SRRM4: variants seen among roughly 807,000 people sequenced by gnomAD.
SRRM4 encodes the protein serine/arginine repetitive matrix protein 4.
SRRM4 carries 33 observed loss-of-function variants against 68.9 expected under a neutral mutation model. The observed-to-expected ratio is 0.48, with a 90% CI of 0.36 to 0.64. The LOEUF (loss-of-function observed/expected upper bound fraction) is 0.64, where lower values mean the gene tolerates loss of function less well. Ranked by LOEUF, SRRM4 falls within the 30% of genes least tolerant of loss-of-function variation. SRRM4 has a pLI of 0.00. For synonymous variants in SRRM4, 318 were observed against 318.8 expected, an observed-to-expected ratio of 1.00 and a Z score of 0.03; for missense variants, 817 against 827.1, an observed-to-expected ratio of 0.99 and a Z score of 0.15.
At chr12:119,100,977 T>A (rs1355525591) in intron 1 of SRRM4, among the ~76,000 whole-genome samples, 1 of 152,148 alleles carries the variant, frequency 6.6e-6, no homozygotes, top group African/African-American at 2.4e-5. Context: ...AAAGATGCAC[T>A]CATAAGTGGC....
chr12:119,042,687 G>A (rs1953677460), intron 1 of SRRM4, among the ~76,000 whole-genome samples: 1 of 151,972 alleles, frequency 6.6e-6, no homozygotes. Context: ...GGCAGGAAGA[G>A]GGAGGAAGGA....
chr12:119,144,202 C>G (rs1018825720), intron 8 of SRRM4, among the ~76,000 whole-genome samples: 1 of 152,092 alleles, frequency 6.6e-6, no homozygotes, highest in Non-Finnish European at 1.5e-5. Flanking sequence ...CTGTTGCAAG[C>G]GCATCCTCCC....
chr12:119,153,956 C>G (rs1034437370), intron 11 of SRRM4, among the ~76,000 whole-genome samples: 1 of 152,054 alleles, frequency 6.6e-6, no homozygotes, highest in Non-Finnish European at 1.5e-5. Flanking sequence ...CCAGGGCCTG[C>G]GTAACATTCA....
At chr12:119,098,189 C>A (rs961337809) in intron 1 of SRRM4, among the ~76,000 whole-genome samples, 2 of 152,224 alleles carry the variant, frequency 1.3e-5, no homozygotes, top group Non-Finnish European at 1.5e-5. Flanking sequence ...CAGCCAGCAC[C>A]AGCTTGCCAG....
At chr12:119,131,691 T>C (rs1954299043) in intron 8 of SRRM4, among the ~76,000 whole-genome samples, 1 of 152,210 alleles carries the variant, frequency 6.6e-6, no homozygotes, top group South Asian at 2.1e-4. Context: ...ATTTTCTCAT[T>C]GGTAAACTTG....
At chr12:119,142,645 A>G (rs1261368548) in intron 8 of SRRM4, among the ~76,000 whole-genome samples, 3 of 152,200 alleles carry the variant, frequency 2.0e-5, no homozygotes, top group Non-Finnish European at 4.4e-5. Context: ...TTGTACTCAC[A>G]GGCCCCTGTC....
At chr12:119,090,658 A>G (rs1020374268) in intron 1 of SRRM4, among the ~76,000 whole-genome samples, 6 of 152,172 alleles carry the variant, frequency 3.9e-5, no homozygotes, top group African/African-American at 1.4e-4. Flanking sequence ...AACAGCATCC[A>G]CTGTGCTGCA....
chr12:119,061,215 C>T (rs1953809964), intron 1 of SRRM4, among the ~76,000 whole-genome samples: 1 of 152,200 alleles, frequency 6.6e-6, no homozygotes, highest in Admixed American at 6.5e-5. Flanking sequence ...TCAAGATGGA[C>T]TCAAAAATAG....
intron 1 of SRRM4, among the ~76,000 whole-genome samples, chr12:118,982,672 T>TC (rs1953255978): frequency 1.3e-5 from 1 of 78,084 alleles, no homozygotes; most frequent in Admixed American, 1.2e-4. Context: ...TTATTTTGTT[T>TC]TTTTTTGTTT....
intron 1 of SRRM4, among the ~76,000 whole-genome samples, chr12:119,027,468 G>A (rs1163705712): frequency 1.3e-5 from 2 of 152,164 alleles, no homozygotes; most frequent in South Asian, 2.1e-4. Flanking sequence ...CCATGAGAAT[G>A]CTAGTAATCT....
intron 9 of SRRM4, among the ~76,000 whole-genome samples, chr12:119,150,136 TAAAAGG>T (rs543994175): frequency 2.5e-3 from 373 of 152,186 alleles, no homozygotes; most frequent in Non-Finnish European, 3.8e-3. Flanking sequence ...AATATATAAG[TAAAAGG>T]AAAATTACAG....
At chr12:119,156,365 A>G in intron 12 of SRRM4, 130 bp from the exon 13 acceptor site, 2 of 1,376,568 alleles carry the variant, frequency 1.5e-6, no homozygotes, top group Non-Finnish European at 1.9e-6. Flanking sequence ...AGAGAAGTGG[A>G]AAGGGAGTAT....
At position 118,981,825 on chromosome 12, in the gene SRRM4, A is replaced by G. The variant is rs1953248979; in HGVS notation, c.-58A>G. 1 of 1,571,208 alleles carries G rather than the reference A, an allele frequency of 6.4e-7. No individual in the cohort carries two copies. Among genetic ancestry groups the G allele is most frequent in the Non-Finnish European group, 8.6e-7 (1 of 1,157,248 alleles). ...GAGCTGGGTGTCGCCCCCGTTTGGA[A>G]TCCACGTTTCAGCACTTTGGACAGC... On this transcript the variant is annotated 5_prime_UTR_variant, in exon 1 of 13. Transcript: ENST00000267260.
chr12:118,994,321 A>G (rs1372122469), intron 1 of SRRM4, among the ~76,000 whole-genome samples: 1 of 152,148 alleles, frequency 6.6e-6, no homozygotes, highest in Non-Finnish European at 1.5e-5. Context: ...GTGTGAATTC[A>G]GGAGCTAGAG....
intron 1 of SRRM4, among the ~76,000 whole-genome samples, chr12:119,095,115 C>T (rs1269467912): frequency 6.6e-6 from 1 of 152,188 alleles, no homozygotes; most frequent in East Asian, 1.9e-4. Flanking sequence ...GAAGATTACC[C>T]CCATCCAGGC....
At chr12:119,078,675 T>C (rs1487249450) in intron 1 of SRRM4, among the ~76,000 whole-genome samples, 2 of 152,166 alleles carry the variant, frequency 1.3e-5, no homozygotes, top group Non-Finnish European at 2.9e-5. Flanking sequence ...ATCCCAGCAC[T>C]TTGGGAGGCC....
chr12:119,153,615 C>G lies in SRRM4; in HGVS notation c.1357C>G (p.Arg453Gly). 1 of 1,566,732 alleles carries G rather than the reference C, an allele frequency of 6.4e-7. No individual in the cohort carries two copies. Among genetic ancestry groups the G allele is most frequent in the Non-Finnish European group, 8.6e-7 (1 of 1,157,034 alleles). ...SPPSRSSRSR[R>G]SPSYSRYSPS... Reference sequence around the variant, plus strand: ...GCCCAGCAGAAGCTCTAGGTCCCGCCGCAGCCCTAGCTACTCCCGCTACAG... The same window carrying G: ...GCCCAGCAGAAGCTCTAGGTCCCGCGGCAGCCCTAGCTACTCCCGCTACAG... Residue 453 changes from arginine to glycine, a missense_variant, in exon 11 of 13, where the codon CGC (arginine) becomes GGC (glycine). Coordinates refer to ENST00000267260, the MANE Select transcript of SRRM4 (RefSeq NM_194286.4).
At position 119,154,724 on chromosome 12, in the gene SRRM4, G is replaced by A. The variant is rs899035066; in HGVS notation, c.1532+341G>A. 6.6e-6 allele frequency among the ~76,000 whole-genome samples: 1 copy of A among 152,208 alleles called. No individual in the cohort carries two copies. Among genetic ancestry groups the A allele is most frequent in the Non-Finnish European group, 1.5e-5 (1 of 68,048 alleles). On this transcript the variant is annotated intron_variant, in intron 12 of 12. Transcript: ENST00000267260. This position sits in a 1 kb window ranked among gnomAD's most constrained non-coding sequence, Gnocchi z 4.7. Reference sequence around the variant, plus strand: ...GGAGCTGGGGGAGAGAGTGGCGTCAGGCCAGGGAATGGAGGCCAAAGCAAT... The same window carrying A: ...GGAGCTGGGGGAGAGAGTGGCGTCAAGCCAGGGAATGGAGGCCAAAGCAAT...
chr12:119,029,284 A>G (rs1212590188), intron 1 of SRRM4, among the ~76,000 whole-genome samples: 1 of 152,174 alleles, frequency 6.6e-6, no homozygotes, highest in African/African-American at 2.4e-5. Context: ...GGAAAATGAT[A>G]CTATTCTAAG....
Sources: allele counts gnomAD v4.1 joint callset (sites outside exome capture counted in the v4.1 genomes callset), GRCh38; gene constraint gnomAD v4.1.1; non-coding constraint Gnocchi (gnomAD v3.1); transcripts MANE v1.5; gene names NCBI Gene and HGNC (gene_info 2026-07-23, HGNC 2026-07-21).